Variants in CHN2 observed in about 807,000 individuals in gnomAD.
CHN2 encodes beta-chimaerin.
CHN2 carries 35 observed loss-of-function variants against 56.3 expected under a neutral mutation model. That is an observed-to-expected ratio of 0.62 (90% CI 0.47 to 0.82). The LOEUF (loss-of-function observed/expected upper bound fraction) is 0.82, where lower values mean the gene tolerates loss of function less well. Ranked by LOEUF, CHN2 falls within the 40% of genes least tolerant of loss-of-function variation. The probability of loss-of-function intolerance (pLI) is 0.00; values close to 1 mark genes in which losing one functional copy is unlikely to be tolerated. For missense variants in CHN2, 491 were observed against 580.5 expected (o/e 0.85, Z 1.58); for synonymous variants, 210 against 212.8 (o/e 0.99, Z 0.12).
chr7:29,351,901 C>T (rs1797913336), intron 1 of CHN2, among the ~76,000 whole-genome samples: 1 of 152,146 alleles, frequency 6.6e-6, no homozygotes, highest in Admixed American at 6.5e-5. Context: ...CCAGTCTCTG[C>T]AGGCAGACTT....
chr7:29,186,357 T>G (rs1798710648), intron 2 of CHN2: 1 of 152,106 alleles, frequency 6.6e-6, no homozygotes, highest in Non-Finnish European at 1.5e-5. Flanking sequence ...CCAGGGTGGA[T>G]AGATTACCTG....
At chr7:29,455,577 A>C (rs1784690275) in intron 6 of CHN2, among the ~76,000 whole-genome samples, 1 of 152,196 alleles carries the variant, frequency 6.6e-6, no homozygotes. Context: ...AATGGGTACC[A>C]TTGTTCCTAG....
intron 4 of CHN2, chr7:29,398,073 G>A (rs992743307): frequency 2.4e-5 from 5 of 211,184 alleles, no homozygotes; most frequent in East Asian, 1.0e-4. Context: ...GGGGGGGGGC[G>A]GTGGTTGAGT....
At chr7:29,151,212 C>A (rs149729647) in intron 2 of CHN2, among the ~76,000 whole-genome samples, 1 of 152,276 alleles carries the variant, frequency 6.6e-6, no homozygotes, top group African/African-American at 2.4e-5. Context: ...GTAATTATTT[C>A]TAATAAGTGC....
rs189755653 is a variant in CHN2 at position 29,393,925 on chromosome 7, G to A, written c.176+215G>A. Among the ~76,000 whole-genome samples the A allele has an allele frequency of 2.2e-3, 334 of 152,174 alleles. 1 individual carries two copies. Among genetic ancestry groups the A allele is most frequent in the African/African-American group, 7.4e-3 (309 of 41,524 alleles). On this transcript the variant is annotated intron_variant, in intron 4 of 12. Coordinates refer to ENST00000222792, the MANE Select transcript of CHN2 (RefSeq NM_004067.4). ...TAATGTGGGAGGTAGAGCATTTTGC[G>A]CTACTTTTCCCTCCACAAAAGAGCT...
chr7:29,149,798 C>A (rs1418896116), intron 2 of CHN2, among the ~76,000 whole-genome samples: 6 of 152,126 alleles, frequency 3.9e-5, no homozygotes, highest in African/African-American at 1.4e-4. Flanking sequence ...CCTTCCAGGG[C>A]TTTCTCTCTG....
At chr7:29,422,083 T>G (rs1804402327) in intron 6 of CHN2, among the ~76,000 whole-genome samples, 1 of 152,254 alleles carries the variant, frequency 6.6e-6, no homozygotes, top group Non-Finnish European at 1.5e-5. Flanking sequence ...GTACTCTGTT[T>G]AAATTAGCAA....
intron 1 of CHN2, among the ~76,000 whole-genome samples, chr7:29,317,059 AAC>A (rs1795003767): frequency 6.6e-6 from 1 of 152,210 alleles, no homozygotes; most frequent in African/African-American, 2.4e-5. Context: ...CATGATAAGT[AAC>A]ACATCTTGGT....
At chr7:29,306,671 G>A (rs1210398532) in intron 1 of CHN2, among the ~76,000 whole-genome samples, 1 of 152,212 alleles carries the variant, frequency 6.6e-6, no homozygotes, top group Non-Finnish European at 1.5e-5. Flanking sequence ...TGTTCAAGGT[G>A]ATTTTTCAAG....
At chr7:29,490,476 T>C (rs1788539979) in intron 7 of CHN2, among the ~76,000 whole-genome samples, 1 of 152,214 alleles carries the variant, frequency 6.6e-6, no homozygotes, top group Non-Finnish European at 1.5e-5. Flanking sequence ...CTTATTCCTC[T>C]GATCTATTTC....
At chr7:29,261,960 G>T (rs1182189010) in intron 1 of CHN2, among the ~76,000 whole-genome samples, 1 of 152,142 alleles carries the variant, frequency 6.6e-6, no homozygotes, top group Non-Finnish European at 1.5e-5. Flanking sequence ...TTGAGGTCAG[G>T]AGTTCAAGAC....
At chr7:29,506,703 C>G (rs1309811050) in intron 10 of CHN2, among the ~76,000 whole-genome samples, 28 of 152,062 alleles carry the variant, frequency 1.8e-4, no homozygotes, top group Admixed American at 1.8e-3. Flanking sequence ...TAAAGTTTCC[C>G]AGATTAAAGT....
intron 1 of CHN2, among the ~76,000 whole-genome samples, chr7:29,319,374 G>GA (rs1795181054): frequency 1.3e-5 from 2 of 152,086 alleles, no homozygotes; most frequent in Non-Finnish European, 1.5e-5. Context: ...AGGAGGAGGA[G>GA]AAAAAAGTTG....
intron 6 of CHN2, among the ~76,000 whole-genome samples, chr7:29,478,144 G>C (rs774245968): frequency 8.5e-5 from 13 of 152,218 alleles, no homozygotes; most frequent in Non-Finnish European, 1.8e-4. Context: ...CTTTTGGAAA[G>C]GGTAGCATTA....
intron 6 of CHN2, among the ~76,000 whole-genome samples, chr7:29,407,472 G>A (rs1433268772): frequency 6.6e-6 from 1 of 152,042 alleles, no homozygotes; most frequent in African/African-American, 2.4e-5. Context: ...AATGCAGAAA[G>A]CATTATGGAG....
chr7:29,273,388 T>TATAC (rs1384075086), intron 1 of CHN2, among the ~76,000 whole-genome samples: 7 of 41,904 alleles, frequency 1.7e-4, no homozygotes, highest in Non-Finnish European at 2.5e-4. Flanking sequence ...TATATATATA[T>TATAC]ACACACACCA....
chr7:29,350,942 T>G (rs1199732857), intron 1 of CHN2, among the ~76,000 whole-genome samples: 3 of 152,012 alleles, frequency 2.0e-5, no homozygotes, highest in Non-Finnish European at 4.4e-5. Flanking sequence ...ACCCCATCTC[T>G]ACTAAAAATA....
intron 1 of CHN2, among the ~76,000 whole-genome samples, chr7:29,208,662 T>G (rs1784704376): frequency 6.6e-6 from 1 of 152,162 alleles, no homozygotes; most frequent in Non-Finnish European, 1.5e-5. Context: ...GACCTGCTGT[T>G]CACTCAAACT....
chr7:29,246,470 T>C (rs888326390), intron 1 of CHN2, among the ~76,000 whole-genome samples: 7 of 152,154 alleles, frequency 4.6e-5, no homozygotes, highest in Non-Finnish European at 1.0e-4. Flanking sequence ...ATTGGCATAG[T>C]TTCTATTCAT....
Sources: gnomAD v4.1 joint callset for allele counts (sites outside exome capture counted in the v4.1 genomes callset) on GRCh38, gnomAD v4.1.1 for gene constraint, MANE v1.5 for transcripts, NCBI Gene and HGNC (gene_info 2026-07-23, HGNC 2026-07-21) for gene names.